Variants in SLC4A4 observed in about 807,000 individuals in gnomAD.
The protein encoded by SLC4A4 is solute carrier family 4 member 4.
In SLC4A4, 27 loss-of-function variants were observed where a neutral mutation model predicts 111.5. The ratio of observed to expected loss-of-function variants is 0.24; its 90% CI spans 0.18 to 0.33. SLC4A4 has a LOEUF of 0.33. SLC4A4 is among the 10% of genes least tolerant of loss of function. The pLI is 1.00. For synonymous variants in SLC4A4, 443 were observed against 463.4 expected (o/e 0.96, Z 0.57); for missense variants, 909 against 1,315.5 (o/e 0.69, Z 4.78).
chr4:71,203,111 T>A (rs1746332518), intron 1 of SLC4A4, among the ~76,000 whole-genome samples: 1 of 152,052 alleles, frequency 6.6e-6, no homozygotes, highest in African/African-American at 2.4e-5. Flanking sequence ...GACTACTAGA[T>A]GTGTAAAAAT....
At chr4:71,208,187 T>C (rs1422286560) in intron 1 of SLC4A4, among the ~76,000 whole-genome samples, 1 of 152,052 alleles carries the variant, frequency 6.6e-6, no homozygotes, top group East Asian at 1.9e-4. Context: ...TCCCAGCACT[T>C]TGGGAGGCCG....
chr4:71,308,372 G>A (rs1331892943), intron 3 of SLC4A4, among the ~76,000 whole-genome samples: 1 of 152,134 alleles, frequency 6.6e-6, no homozygotes, highest in Non-Finnish European at 1.5e-5. Context: ...CCCATCCAGA[G>A]CACTATAGTG....
At chr4:71,074,132 A>G (rs570417155) in intron 1 of SLC4A4, among the ~76,000 whole-genome samples, 1 of 152,248 alleles carries the variant, frequency 6.6e-6, no homozygotes, top group South Asian at 2.1e-4. Context: ...TACCTGAAAA[A>G]CTTGATGGAA....
chr4:71,512,621 G>T (rs1339083190), intron 16 of SLC4A4, among the ~76,000 whole-genome samples: 1 of 151,880 alleles, frequency 6.6e-6, no homozygotes, highest in Non-Finnish European at 1.5e-5. Context: ...TTCTTTTGTT[G>T]TGCAGAAGCT....
intron 2 of SLC4A4, among the ~76,000 whole-genome samples, chr4:71,131,337 C>G (rs1013108884): frequency 3.9e-5 from 6 of 152,164 alleles, no homozygotes; most frequent in African/African-American, 1.4e-4. Flanking sequence ...CAGAGGTCCT[C>G]CTTGCTCAGC....
chr4:71,244,059 A>T (rs868231747), intron 2 of SLC4A4, among the ~76,000 whole-genome samples: 8 of 152,306 alleles, frequency 5.3e-5, no homozygotes, highest in Middle Eastern at 6.8e-3. Context: ...CCAACCCCCA[A>T]TTGATTATTA....
At chr4:71,451,073 A>G (rs373250738) in intron 10 of SLC4A4, 115 bp from the exon 11 acceptor site, 1 of 739,408 alleles carries the variant, frequency 1.4e-6, no homozygotes, top group Non-Finnish European at 2.4e-6. Flanking sequence ...AGAAATAACA[A>G]TCTTTCACCT....
At chr4:71,463,732 G>T (rs144419821) in intron 12 of SLC4A4, among the ~76,000 whole-genome samples, 2 of 152,132 alleles carry the variant, frequency 1.3e-5, no homozygotes, top group Non-Finnish European at 2.9e-5. Flanking sequence ...TGTCATTTGG[G>T]TCTTGCTTCT....
chr4:71,117,925 G>A (rs140282013), intron 2 of SLC4A4, among the ~76,000 whole-genome samples: 1,852 of 147,634 alleles, frequency 0.013, 45 homozygotes, highest in African/African-American at 0.044. Context: ...TGCCCAGGCT[G>A]GAGTGTGGTG....
chr4:71,087,235 T>C (rs1313185879), intron 1 of SLC4A4, among the ~76,000 whole-genome samples: 1 of 152,030 alleles, frequency 6.6e-6, no homozygotes, highest in African/African-American at 2.4e-5. Flanking sequence ...TGTATTTCTG[T>C]GGGATCAGTG....
chr4:71,187,740 G>T (rs1440821085), intron 1 of SLC4A4, among the ~76,000 whole-genome samples: 1 of 152,176 alleles, frequency 6.6e-6, no homozygotes, highest in Non-Finnish European at 1.5e-5. Flanking sequence ...CTGGGCTCGG[G>T]CTCAGTGACA....
chr4:71,192,223 T>A (rs1405612182), intron 1 of SLC4A4, among the ~76,000 whole-genome samples: 24 of 152,158 alleles, frequency 1.6e-4, no homozygotes, highest in Admixed American at 1.6e-3. Flanking sequence ...GGCCTGGAGA[T>A]CTGATATTCA....
At chr4:71,143,461 C>A (rs1744068406) in intron 2 of SLC4A4, among the ~76,000 whole-genome samples, 1 of 152,072 alleles carries the variant, frequency 6.6e-6, no homozygotes, top group African/African-American at 2.4e-5. Flanking sequence ...TGGGTATATA[C>A]CCAGTAATGG....
chr4:71,088,001 G>T (rs760100734), intron 1 of SLC4A4, among the ~76,000 whole-genome samples: 30 of 152,006 alleles, frequency 2.0e-4, no homozygotes, highest in Non-Finnish European at 4.1e-4. Context: ...TGTTGACAGT[G>T]GGGTGTTAAA....
intron 12 of SLC4A4, among the ~76,000 whole-genome samples, chr4:71,459,837 T>C (rs1726653342): frequency 6.6e-6 from 1 of 152,112 alleles, no homozygotes. Flanking sequence ...CAGAATTTTG[T>C]CCCATATTCT....
At chr4:71,549,633 T>C (rs1009977466) in intron 20 of SLC4A4, among the ~76,000 whole-genome samples, 2 of 151,964 alleles carry the variant, frequency 1.3e-5, no homozygotes. Flanking sequence ...CAGATGTGTT[T>C]AAAAGTTCCT....
intron 1 of SLC4A4, among the ~76,000 whole-genome samples, chr4:71,221,273 T>C (rs1718729476): frequency 6.6e-6 from 1 of 152,218 alleles, no homozygotes; most frequent in Admixed American, 6.5e-5. Context: ...TAGTTCTGCT[T>C]TTAACTCTTT....
chr4:71,482,462 A>C (rs1728970790), intron 14 of SLC4A4, among the ~76,000 whole-genome samples: 1 of 151,626 alleles, frequency 6.6e-6, no homozygotes, highest in Non-Finnish European at 1.5e-5. Context: ...GCAGCTACTA[A>C]AAGTTCAGAT....
chr4:71,383,683 G>A (rs1042954601), intron 6 of SLC4A4, among the ~76,000 whole-genome samples: 7 of 152,188 alleles, frequency 4.6e-5, no homozygotes, highest in African/African-American at 1.7e-4. Context: ...GAACAGCTGA[G>A]CAAGACACTT....
Sources: allele counts gnomAD v4.1 joint callset (sites outside exome capture counted in the v4.1 genomes callset), GRCh38; gene constraint gnomAD v4.1.1; transcripts MANE v1.5; gene names NCBI Gene and HGNC (gene_info 2026-07-23, HGNC 2026-07-21).